DLGAP2: variants seen among roughly 807,000 people sequenced by gnomAD.
DLGAP2 encodes DLG associated protein 2.
DLGAP2 carries 26 observed loss-of-function variants against 100.3 expected under a neutral mutation model. The observed-to-expected ratio is 0.26, with a 90% CI of 0.19 to 0.36. The LOEUF is 0.36. DLGAP2 is among the 10% of genes least tolerant of loss of function. The pLI, the probability that DLGAP2 is intolerant of heterozygous loss-of-function variation, is 1.00. For missense variants in DLGAP2, 1,858 were observed against 1,453.2 expected (o/e 1.28, Z -4.53); for synonymous variants, 886 against 630.1 (o/e 1.41, Z -6.08).
rs547686704 is a variant in DLGAP2 at position 1,424,805 on chromosome 8, C to T, written c.107-76561C>T. Reference sequence around the variant, plus strand: ...CCGAATAGGACAAGGACAGTATGATCCCCTTATACGCAGCACCTGGAGGAG... The same window carrying T: ...CCGAATAGGACAAGGACAGTATGATTCCCTTATACGCAGCACCTGGAGGAG... On this transcript the variant is annotated intron_variant, in intron 3 of 14. Coordinates refer to ENST00000637795, the MANE Select transcript of DLGAP2 (RefSeq NM_001346810.2). Among the ~76,000 whole-genome samples, 5 of 152,132 alleles carry T rather than the reference C, an allele frequency of 3.3e-5. No homozygotes were observed. In the South Asian group the frequency reaches 6.2e-4, roughly 19 times the overall value.
At chr8:951,508 C>T (rs1799479539) in intron 2 of DLGAP2, among the ~76,000 whole-genome samples, 1 of 152,188 alleles carries the variant, frequency 6.6e-6, no homozygotes, top group Admixed American at 6.5e-5. Flanking sequence ...GTCTTGGCCT[C>T]CCAAAGTGCT....
At chr8:1,036,713 G>A (rs555427863) in intron 2 of DLGAP2, among the ~76,000 whole-genome samples, 106 of 152,234 alleles carry the variant, frequency 7.0e-4, no homozygotes, top group African/African-American at 2.2e-3. Flanking sequence ...TGCTGGCTCC[G>A]GCTCAGAACA....
intron 3 of DLGAP2, among the ~76,000 whole-genome samples, chr8:1,267,861 A>G (rs902684017): frequency 5.9e-5 from 9 of 152,046 alleles, no homozygotes; most frequent in African/African-American, 2.2e-4. Flanking sequence ...TTTTTCCTCC[A>G]TCACACCCAC....
chr8:1,345,707 G>A (rs773462257), intron 3 of DLGAP2, among the ~76,000 whole-genome samples: 1 of 152,218 alleles, frequency 6.6e-6, no homozygotes, highest in Non-Finnish European at 1.5e-5. Flanking sequence ...GGTGGTGAAG[G>A]GCTCATGCTT....
At chr8:1,103,881 C>A (rs532321802) in intron 2 of DLGAP2, among the ~76,000 whole-genome samples, 1 of 152,220 alleles carries the variant, frequency 6.6e-6, no homozygotes, top group Non-Finnish European at 1.5e-5. Flanking sequence ...GAGGGGTCCC[C>A]GCACCCATGT....
intron 8 of DLGAP2, among the ~76,000 whole-genome samples, chr8:1,667,513 C>T (rs188174596): frequency 1.7e-3 from 257 of 152,266 alleles, no homozygotes; most frequent in Middle Eastern, 3.4e-3. Flanking sequence ...GGAGCCTGTA[C>T]TTATAGGGAA....
At chr8:1,482,944 T>C (rs940107642) in intron 3 of DLGAP2, among the ~76,000 whole-genome samples, 1 of 152,226 alleles carries the variant, frequency 6.6e-6, no homozygotes, top group Non-Finnish European at 1.5e-5. Context: ...TTGGAGCATT[T>C]AGCCCTCCCA....
Position 1,295,656 on chromosome 8 carries a change from G to A in DLGAP2, c.106+36773G>A, listed in dbSNP as rs189950613. Among the ~76,000 whole-genome samples, 12 of 152,280 alleles carry A rather than the reference G, an allele frequency of 7.9e-5. 1 individual carries two copies. The South Asian group carries it at 1.7e-3, about 21-fold the overall frequency. On this transcript the variant is annotated intron_variant, in intron 3 of 14. Coordinates refer to ENST00000637795, the MANE Select transcript of DLGAP2 (RefSeq NM_001346810.2). ...ATCCCAAAGGGCTTTGAAGTGTTTCGTAAAAGCCAATTTGGATCCTTTAAA... is the reference window on the plus strand; with the variant it reads ...ATCCCAAAGGGCTTTGAAGTGTTTCATAAAAGCCAATTTGGATCCTTTAAA...
chr8:1,447,185 A>G lies in DLGAP2; in HGVS notation c.107-54181A>G, dbSNP rs897915363. 2.6e-5 allele frequency among the ~76,000 whole-genome samples: 4 copies of G among 152,220 alleles called. No homozygotes were observed. In the East Asian group the frequency reaches 7.7e-4, roughly 29 times the overall value. ...TGTCTTGTGCCAGTTTTCAAAGAGA[A>G]TGTTTCCAGTTTTTGCCCATTCAGT... is the stretch of plus-strand genomic sequence containing the variant. On this transcript the variant is annotated intron_variant, in intron 3 of 14. Coordinates refer to ENST00000637795, the MANE Select transcript of DLGAP2 (RefSeq NM_001346810.2).
At chr8:1,506,414 T>C (rs1034330243) in intron 4 of DLGAP2, among the ~76,000 whole-genome samples, 12 of 152,336 alleles carry the variant, frequency 7.9e-5, no homozygotes, top group Admixed American at 5.9e-4. Context: ...TTCCTTTTAA[T>C]GTTCAGACGT....
At chr8:1,596,947 T>C (rs1234878773) in intron 6 of DLGAP2, among the ~76,000 whole-genome samples, 2 of 152,366 alleles carry the variant, frequency 1.3e-5, no homozygotes, top group East Asian at 3.9e-4. Flanking sequence ...CCAGTGCCTG[T>C]GTCCTGAATG....
At chr8:1,323,098 T>G (rs1800943731) in intron 3 of DLGAP2, among the ~76,000 whole-genome samples, 1 of 151,742 alleles carries the variant, frequency 6.6e-6, no homozygotes, top group Non-Finnish European at 1.5e-5. Flanking sequence ...TGGCGTGATC[T>G]CGGTTCATGC....
At chr8:1,322,516 T>G (rs1183415690) in intron 3 of DLGAP2, among the ~76,000 whole-genome samples, 1 of 149,654 alleles carries the variant, frequency 6.7e-6, no homozygotes, top group Non-Finnish European at 1.5e-5. Flanking sequence ...CGTGTTGATC[T>G]GTGGAAATGC....
chr8:1,127,896 C>T (rs915043217), intron 2 of DLGAP2, among the ~76,000 whole-genome samples: 1 of 152,236 alleles, frequency 6.6e-6, no homozygotes, highest in Admixed American at 6.5e-5. Context: ...TCTAAAGATG[C>T]ACTTTCCTAT....
chr8:1,413,670 G>T, intron 3 of DLGAP2, among the ~76,000 whole-genome samples: 1 of 152,226 alleles, frequency 6.6e-6, no homozygotes, highest in South Asian at 2.1e-4. Flanking sequence ...AATGATTGGA[G>T]TCACTCTTAT....
At chr8:1,043,327 ATGGGTGTGGGTGGTGGGTGTGGGTGG>A (rs1425032039) in intron 2 of DLGAP2, among the ~76,000 whole-genome samples, 1 of 9,326 alleles carries the variant, frequency 1.1e-4, no homozygotes, top group Non-Finnish European at 2.3e-4. Context: ...GACGTGGGTG[ATGGGTGTGGGTGGTGGGTGTGGGTGG>A]TGGGTGTGGG....
intron 6 of DLGAP2, chr8:1,619,703 T>A (rs1004788818): frequency 7.9e-5 from 12 of 152,236 alleles, no homozygotes; most frequent in Non-Finnish European, 4.4e-5. Flanking sequence ...TCTTACCTTA[T>A]ATTCACAGAA....
chr8:1,463,230 C>G (rs891279716), intron 3 of DLGAP2, among the ~76,000 whole-genome samples: 2 of 152,184 alleles, frequency 1.3e-5, no homozygotes, highest in African/African-American at 4.8e-5. Context: ...GCCTGGGTGA[C>G]AGGGCAAGAA....
chr8:787,326 T>C (rs1821895844), intron 1 of DLGAP2, among the ~76,000 whole-genome samples: 1 of 152,220 alleles, frequency 6.6e-6, no homozygotes. Context: ...TCTGTGATGC[T>C]GAGGACCCTC....
Sources: gnomAD v4.1 joint callset for allele counts (sites outside exome capture counted in the v4.1 genomes callset) on GRCh38, gnomAD v4.1.1 for gene constraint, MANE v1.5 for transcripts, NCBI Gene and HGNC (gene_info 2026-07-23, HGNC 2026-07-21) for gene names.